PCDHA2: variants seen among roughly 807,000 people sequenced by gnomAD.
PCDHA2 encodes protocadherin alpha-2.
PCDHA2 carries 58 observed loss-of-function variants against 66.0 expected under a neutral mutation model. The observed-to-expected ratio is 0.88, with a 90% CI of 0.71 to 1.09. The LOEUF (loss-of-function observed/expected upper bound fraction) is 1.09, where lower values mean the gene tolerates loss of function less well. Ranked by LOEUF, PCDHA2 falls within the 50% of genes least tolerant of loss-of-function variation. The probability of loss-of-function intolerance (pLI) is 0.00; values close to 1 mark genes in which losing one functional copy is unlikely to be tolerated. For missense variants in PCDHA2, 1,267 were observed against 1,242.3 expected, an observed-to-expected ratio of 1.02 and a Z score of -0.30; for synonymous variants, 634 against 554.0, an observed-to-expected ratio of 1.14 and a Z score of -2.03.
chr5:140,896,410 T>C (rs1554186951), intron 1 of PCDHA2, among the ~76,000 whole-genome samples: 1 of 152,154 alleles, frequency 6.6e-6, no homozygotes, highest in Non-Finnish European at 1.5e-5. Context: ...TTTTGACTTT[T>C]TAGTAATAGC....
chr5:140,921,974 T>G lies in PCDHA2; in HGVS notation c.2389-56975T>G, dbSNP rs184369031. Among the ~76,000 whole-genome samples the G allele has an allele frequency of 1.1e-3, 161 of 151,826 alleles. 2 individuals are homozygous for G. The highest frequency in any genetic ancestry group is 2.1e-3 in the Non-Finnish European group (141 of 67,922). The stretch of plus-strand genomic sequence containing the variant: ...AATCCCAGAAAACCAAAGGAAAAAA[T>G]AGAACTAAAAAAGAGTTCAATGAAA... On this transcript the variant is annotated intron_variant, in intron 1 of 3. Transcript: ENST00000526136.
At position 140,848,656 on chromosome 5, in the gene PCDHA2, TGGAGCTGGC is replaced by T. The variant is rs2150416289; in HGVS notation, c.2388+51313_2388+51321del. 5 of 1,592,712 alleles carry T rather than the reference TGGAGCTGGC, an allele frequency of 3.1e-6. 1 individual carries two copies. Among genetic ancestry groups the T allele is most frequent in the Admixed American group, 3.4e-5 (2 of 59,208 alleles). ...GGCCGCATCGCGCAGGACCTGGGGC[TGGAGCTGGC>T]GGAGCTGGTGCCGCGCCTGTTCCAG... On this transcript the variant is annotated intron_variant, in intron 1 of 3. Coordinates refer to ENST00000526136, the MANE Select transcript of PCDHA2 (RefSeq NM_018905.3).
rs146736705 is a variant in PCDHA2 at position 140,829,807 on chromosome 5, T to C, written c.2388+32455T>C. 3.4e-3 allele frequency: 5,423 copies of C among 1,613,834 alleles called. 11 individuals are homozygous for C. Among genetic ancestry groups the C allele is most frequent in the Middle Eastern group, 4.6e-3 (28 of 6,054 alleles). ...CGCTGCTGGCGCCTCGGGTGGGTGG[T>C]ACTGGTGGTGCAGTGAGCGAGCTGG... On this transcript the variant is annotated intron_variant, in intron 1 of 3. Transcript: ENST00000526136.
At chr5:140,883,615 C>T (rs1554178913) in intron 1 of PCDHA2, 6 of 1,613,938 alleles carry the variant, frequency 3.7e-6, no homozygotes, top group African/African-American at 1.3e-5. Context: ...CCGACGTGAA[C>T]GACAACGCGC....
chr5:140,802,705 C>T (rs782128283), intron 1 of PCDHA2: 29 of 1,612,318 alleles, frequency 1.8e-5, no homozygotes, highest in Non-Finnish European at 2.5e-6. Context: ...GGGGAGCGCG[C>T]GCTGTCGAGC....
At chr5:140,843,543 G>A (rs2150362370) in intron 1 of PCDHA2, 1 of 1,595,904 alleles carries the variant, frequency 6.3e-7, no homozygotes, top group Non-Finnish European at 8.6e-7. Context: ...ACTCTGGTGT[G>A]CTCCAGTGCG....
At chr5:140,915,012 C>T (rs2076943122) in intron 1 of PCDHA2, among the ~76,000 whole-genome samples, 1 of 144,844 alleles carries the variant, frequency 6.9e-6, no homozygotes, top group Non-Finnish European at 1.5e-5. Context: ...GTGGCCTGAT[C>T]TTGGCTCACT....
intron 1 of PCDHA2, among the ~76,000 whole-genome samples, chr5:140,878,873 T>A (rs1267188729): frequency 1.3e-5 from 2 of 152,248 alleles, no homozygotes; most frequent in African/African-American, 2.4e-5. Flanking sequence ...CATTTCAGCC[T>A]TTCAAGTAGC....
chr5:140,823,199 C>A lies in PCDHA2; in HGVS notation c.2388+25847C>A, dbSNP rs143689350. The A allele has an allele frequency of 1.6e-4, 266 of 1,613,866 alleles. No homozygotes were observed. In the African/African-American group the frequency reaches 3.4e-3, roughly 21 times the overall value. ...AACCCGCCAGGCTGCCACATCTTCA[C>A]GGTGTCTGCACGGGACGCGGACGCG... is the stretch of plus-strand genomic sequence containing the variant. On this transcript the variant is annotated intron_variant, in intron 1 of 3. Coordinates refer to ENST00000526136, the MANE Select transcript of PCDHA2 (RefSeq NM_018905.3).
chr5:140,814,647 C>T (rs1426131751), intron 1 of PCDHA2: 29 of 151,982 alleles, frequency 1.9e-4, no homozygotes, highest in Non-Finnish European at 2.5e-4. Context: ...TTTGTTTACA[C>T]CAACATCACC....
At chr5:140,876,173 A>T (rs369965805) in intron 1 of PCDHA2, 66 of 1,613,862 alleles carry the variant, frequency 4.1e-5, no homozygotes, top group Middle Eastern at 1.6e-4. Context: ...ACCGTCCTGG[A>T]TGTGAATGAC....
intron 1 of PCDHA2, among the ~76,000 whole-genome samples, chr5:140,833,329 T>C (rs1234770321): frequency 2.6e-5 from 4 of 152,266 alleles, no homozygotes; most frequent in South Asian, 2.1e-4. Flanking sequence ...ATTGGGAACA[T>C]TGGAGTGAAA....
chr5:140,824,610 G>GTTTTTTTTTTTTTTTTTTTTTTTTTTT (rs782443702), intron 1 of PCDHA2: 4 of 95,104 alleles, frequency 4.2e-5, no homozygotes, highest in Non-Finnish European at 5.6e-5. Context: ...GCTAATTAAA[G>GTTTTTTTTTTTTTTTTTTTTTTTTTTT]TTTTTTTTTT....
At chr5:140,949,263 C>G (rs1210516513) in intron 1 of PCDHA2, among the ~76,000 whole-genome samples, 1 of 151,714 alleles carries the variant, frequency 6.6e-6, no homozygotes, top group Non-Finnish European at 1.5e-5. Context: ...GAACATATCA[C>G]GTGCACTTGA....
chr5:140,807,584 T>G (rs76522243), intron 1 of PCDHA2: 118 of 1,614,014 alleles, frequency 7.3e-5, no homozygotes, highest in Non-Finnish European at 1.0e-4. Flanking sequence ...CCCGCCGGTG[T>G]TCCCAGCAAC....
rs1221684887 is a variant in PCDHA2, at chr5:140,822,310, T to G, written c.2388+24958T>G. The G allele has an allele frequency of 2.5e-6, 4 of 1,614,088 alleles. No homozygotes were observed. In the African/African-American group the frequency reaches 4.0e-5, roughly 16 times the overall value. ...GTTAAATCCAAACGAATATTTTGACTTAGATGTTAAAACAAATGAAGAAGA... is the reference window on the plus strand; with the variant it reads ...GTTAAATCCAAACGAATATTTTGACGTAGATGTTAAAACAAATGAAGAAGA... On this transcript the variant is annotated intron_variant, in intron 1 of 3. Transcript: ENST00000526136.
At chr5:140,929,192 A>C (rs1367500775) in intron 1 of PCDHA2, 1 of 1,614,124 alleles carries the variant, frequency 6.2e-7, no homozygotes, top group Non-Finnish European at 8.5e-7. Context: ...TCTGATAATA[A>C]CAGTTTGCTG....
intron 1 of PCDHA2, among the ~76,000 whole-genome samples, chr5:140,799,679 C>T (rs1327248233): frequency 6.6e-6 from 1 of 151,928 alleles, no homozygotes; most frequent in Non-Finnish European, 1.5e-5. Flanking sequence ...ATAATTTATC[C>T]TATTCTAAAT....
chr5:140,984,304 G>A (rs1587007644), intron 3 of PCDHA2, among the ~76,000 whole-genome samples: 1 of 152,168 alleles, frequency 6.6e-6, no homozygotes, highest in Admixed American at 6.5e-5. Context: ...GATGCTGGTT[G>A]GTGTGTATTC....
Sources: allele counts gnomAD v4.1 joint callset (sites outside exome capture counted in the v4.1 genomes callset), GRCh38; gene constraint gnomAD v4.1.1; transcripts MANE v1.5; gene names NCBI Gene and HGNC (gene_info 2026-07-23, HGNC 2026-07-21).